The following C10orf105 variants were observed in gnomAD, a reference collection of about 807,000 sequenced individuals.
The protein encoded by C10orf105 is chromosome 10 open reading frame 105.
C10orf105 carries 2 observed loss-of-function variants against 0.6 expected under a neutral mutation model. The ratio of observed to expected loss-of-function variants is 3.18; its 90% confidence interval spans 1.30 to 10.01. The LOEUF is 10.01. Among genes scored for constraint, C10orf105 ranks in the 30% most tolerant of loss-of-function variants. The pLI, the probability that C10orf105 is intolerant of heterozygous loss-of-function variation, is 0.04. For missense variants in C10orf105, 209 were observed against 191.4 expected (o/e 1.09, Z -0.54); for synonymous variants, 95 against 82.4 (o/e 1.15, Z -0.83).
chr10:71,729,482 C>T (rs537502741), intron 1 of C10orf105, among the ~76,000 whole-genome samples: 7 of 152,306 alleles, frequency 4.6e-5, no homozygotes, highest in South Asian at 2.1e-4. Context: ...TTGCTCTCCA[C>T]GCCCATCAAT....
At chr10:71,727,168 C>G (rs1866852555) in intron 1 of C10orf105, among the ~76,000 whole-genome samples, 1 of 152,242 alleles carries the variant, frequency 6.6e-6, no homozygotes, top group African/African-American at 2.4e-5. Flanking sequence ...TGTTAATACC[C>G]CCATCTTACA....
At chr10:71,720,914 G>A (rs562093162), upstream of C10orf105, among the ~76,000 whole-genome samples, 1 of 152,242 alleles carries the variant, frequency 6.6e-6, no homozygotes, top group Non-Finnish European at 1.5e-5. Flanking sequence ...GGGGCAGGCA[G>A]TAGGCATCCA....
intron 1 of C10orf105, chr10:71,730,580 G>A (rs1235503841): frequency 6.2e-7 from 1 of 1,613,864 alleles, no homozygotes; most frequent in Non-Finnish European, 8.5e-7. Context: ...AGTCATCGTG[G>A]TCCAAGCCAC....
At chr10:71,727,334 C>T (rs1470126233) in intron 1 of C10orf105, among the ~76,000 whole-genome samples, 1 of 152,236 alleles carries the variant, frequency 6.6e-6, no homozygotes, top group South Asian at 2.1e-4. Context: ...AAAGCCCAGT[C>T]AGAAACCACT....
intron 1 of C10orf105, chr10:71,725,641 A>G (rs1397151087): frequency 1.7e-6 from 2 of 1,187,162 alleles, no homozygotes; most frequent in Non-Finnish European, 2.3e-6. Flanking sequence ...TAGGTGCTGA[A>G]TGACATCTGG....
rs1564750695 is a variant in C10orf105, at chr10:71,714,217, A to G, written c.*1719T>C. The G allele has an allele frequency of 6.6e-6, 1 of 151,966 alleles. No individual in the cohort carries two copies. Among genetic ancestry groups the G allele is most frequent in the South Asian group, 2.1e-4 (1 of 4,816 alleles). 9.4% of individuals were successfully genotyped at this position (151,966 alleles called of 1,614,324 possible). A position where few individuals can be genotyped will look rare whatever the true frequency, so the allele number is the denominator to read the frequency against. The stretch of plus-strand genomic sequence containing the variant: ...TCCAATAGAGCCTGCTTGGAGAGAA[A>G]TCTTTCTAGAGTCATCTGAGGGAAG... On this transcript the variant is annotated 3_prime_UTR_variant, in exon 2 of 2. Transcript: ENST00000441508.
rs1471445882 is a variant in C10orf105 at position 71,712,484 on chromosome 10, A to G, written c.*3452T>C. ...AATGGCTGGCACATGGTGTTATCTA[A>G]GTATTTGATACTGTTAGTGTTATTC... On this transcript the variant is annotated 3_prime_UTR_variant, in exon 2 of 2. Transcript: ENST00000441508. 15 of 614,692 alleles carry G rather than the reference A, an allele frequency of 2.4e-5. No homozygotes were observed. Among genetic ancestry groups the G allele is most frequent in the Admixed American group, 8.7e-5 (3 of 34,644 alleles). The allele number at this position is 614,692 out of a possible 1,614,324, so 38.1% of individuals were successfully genotyped here.
At chr10:71,732,799 G>A (rs933240666) in intron 1 of C10orf105, 3 of 817,926 alleles carry the variant, frequency 3.7e-6, no homozygotes, top group Non-Finnish European at 3.0e-6. Flanking sequence ...ATCGAAGTGT[G>A]TGTGGGGTTT....
rs1866069403 is a variant in C10orf105, at chr10:71,713,370, G to T, written c.*2566C>A. On this transcript the variant is annotated 3_prime_UTR_variant, in exon 2 of 2. Transcript: ENST00000441508. ...TCTGCCCAGAGGCCTCAGTTGCTGG[G>T]TGGGGAGGGAGGCCCGGAGTGAATG... 1.3e-6 allele frequency: 1 copy of T among 742,670 alleles called. No homozygotes were observed. The highest frequency in any genetic ancestry group is 2.5e-6 in the Non-Finnish European group (1 of 401,144). 46.0% of individuals were successfully genotyped at this position (742,670 alleles called of 1,614,324 possible).
intron 1 of C10orf105, chr10:71,734,149 G>A (rs1220138957): frequency 7.7e-5 from 78 of 1,013,368 alleles, no homozygotes; most frequent in Non-Finnish European, 1.1e-4. Flanking sequence ...CCGGACAGAG[G>A]AAGTGACATG....
intron 1 of C10orf105, chr10:71,734,407 C>G (rs780132324): frequency 1.1e-5 from 17 of 1,514,304 alleles, no homozygotes; most frequent in Non-Finnish European, 1.4e-5. Flanking sequence ...CTTCCTAACC[C>G]ATGTCCTCGC....
upstream of C10orf105, among the ~76,000 whole-genome samples, chr10:71,720,108 C>A (rs899508904): frequency 2.0e-5 from 3 of 152,218 alleles, no homozygotes; most frequent in African/African-American, 7.2e-5. Flanking sequence ...CAGTGCCTGC[C>A]AGCCACCAGG....
chr10:71,720,679 A>G (rs1251472143), upstream of C10orf105, among the ~76,000 whole-genome samples: 1 of 152,186 alleles, frequency 6.6e-6, no homozygotes, highest in African/African-American at 2.4e-5. Flanking sequence ...GCCCTTGCCC[A>G]TAAAAAGAGG....
intron 1 of C10orf105, among the ~76,000 whole-genome samples, chr10:71,727,726 AC>A (rs1866881867): frequency 6.6e-6 from 1 of 151,954 alleles, no homozygotes; most frequent in Admixed American, 6.5e-5. Flanking sequence ...AACCACTAGC[AC>A]CCCATTTTGC....
chr10:71,720,965 C>T (rs969538154), upstream of C10orf105, among the ~76,000 whole-genome samples: 65 of 152,326 alleles, frequency 4.3e-4, no homozygotes, highest in Non-Finnish European at 6.9e-4. Flanking sequence ...TTTCAATGCC[C>T]AGAGTCCCCA....
In C10orf105 at chr10:71,712,585, C is replaced by A. The variant is rs892541932; in HGVS notation, c.*3351G>T. On this transcript the variant is annotated 3_prime_UTR_variant, in exon 2 of 2. Transcript: ENST00000441508. ...GAACAGGGCACCTCTCTGGCCGGTG[C>A]CCGGGAGTGTGCAAAGTCACAGGAA... 1.3e-6 allele frequency: 2 copies of A among 1,539,860 alleles called. No homozygotes were observed. The highest frequency in any genetic ancestry group is 1.8e-6 in the Non-Finnish European group (2 of 1,128,762).
upstream of C10orf105, chr10:71,724,204 A>G: frequency 7.7e-7 from 1 of 1,307,114 alleles, no homozygotes. Context: ...GGCCAAGAGA[A>G]CCCCCAGGGC....
intron 1 of C10orf105, chr10:71,734,607 A>G (rs370362568): frequency 4.4e-5 from 69 of 1,578,030 alleles, no homozygotes; most frequent in Non-Finnish European, 5.8e-5. Flanking sequence ...AACCATTTGC[A>G]TCTTTGCCTT....
intron 1 of C10orf105, chr10:71,717,160 T>C (rs1315915464): frequency 6.6e-6 from 1 of 152,152 alleles, no homozygotes; most frequent in Non-Finnish European, 1.5e-5. Flanking sequence ...AGGGAGCCAG[T>C]GAAGGTTTTA....
Sources: allele counts gnomAD v4.1 joint callset (sites outside exome capture counted in the v4.1 genomes callset), GRCh38; gene constraint gnomAD v4.1.1; transcripts MANE v1.5; gene names NCBI Gene and HGNC (gene_info 2026-07-23, HGNC 2026-07-21).